RNF157: variants seen among roughly 807,000 people sequenced by gnomAD.
The protein encoded by RNF157 is E3 ubiquitin ligase RNF157.
A neutral mutation model predicts 88.3 loss-of-function variants in RNF157; 55 were observed. That is an observed-to-expected ratio of 0.62 (90% CI 0.50 to 0.78). The LOEUF (loss-of-function observed/expected upper bound fraction) is 0.78, where lower values mean the gene tolerates loss of function less well. Among genes scored for constraint, RNF157 ranks in the 30% least tolerant of loss-of-function variants. RNF157 has a pLI of 0.00. For missense variants in RNF157, 788 were observed against 860.8 expected, an observed-to-expected ratio of 0.92 and a Z score of 1.06; for synonymous variants, 334 against 341.2, an observed-to-expected ratio of 0.98 and a Z score of 0.23.
At chr17:76,151,351 T>C (rs1228282744) in intron 18 of RNF157, among the ~76,000 whole-genome samples, 1 of 152,216 alleles carries the variant, frequency 6.6e-6, no homozygotes, top group African/African-American at 2.4e-5. Context: ...GGCCAGAGTG[T>C]GCTTGGACTG....
In RNF157 at chr17:76,169,716, A is replaced by T. The variant is rs528006439; in HGVS notation, c.297-1919T>A. Among the ~76,000 whole-genome samples the T allele has an allele frequency of 1.2e-4, 18 of 150,758 alleles. No individual in the cohort carries two copies. The South Asian group carries it at 3.6e-3, about 30-fold the overall frequency. On this transcript the variant is annotated intron_variant, in intron 3 of 18. Coordinates refer to ENST00000269391, the MANE Select transcript of RNF157 (RefSeq NM_052916.3). ...CGTCTCAGCCTCCCAAGTAGCTGGG[A>T]TTATAGGCGTGTGCCACCAGGCCCA...
Position 76,146,693 on chromosome 17 carries a change from G to A in RNF157, c.1922-1340C>T, listed in dbSNP as rs1031220549. On this transcript the variant is annotated intron_variant, in intron 18 of 18. Transcript: ENST00000269391. The surrounding 1 kb of genome is among the most constrained non-coding windows in gnomAD (Gnocchi z 4.2). ...ACGCACACGTCACATGGCAGAAACCGCTAGGTCCTGGAGCTCCTCCATGGG... is the reference window on the plus strand; with the variant it reads ...ACGCACACGTCACATGGCAGAAACCACTAGGTCCTGGAGCTCCTCCATGGG... 5.1e-5 allele frequency: 50 copies of A among 985,366 alleles called. No homozygotes were observed. The highest frequency in any genetic ancestry group is 1.1e-4 in the East Asian group (1 of 8,828). The allele number at this position is 985,366 out of a possible 1,614,324, so 61.0% of individuals were successfully genotyped here.
chr17:76,185,596 A>C (rs1323074685), intron 2 of RNF157, among the ~76,000 whole-genome samples: 3 of 151,324 alleles, frequency 2.0e-5, no homozygotes, highest in Admixed American at 6.6e-5. Context: ...CAGCCTCCCG[A>C]GTAGCTGGGA....
chr17:76,186,480 C>T (rs970203487), intron 2 of RNF157, among the ~76,000 whole-genome samples: 4 of 152,016 alleles, frequency 2.6e-5, no homozygotes, highest in Non-Finnish European at 4.4e-5. Flanking sequence ...GCACTCCAGC[C>T]TGAGCAACAA....
At chr17:76,215,277 A>T (rs912892282) in intron 1 of RNF157, among the ~76,000 whole-genome samples, 1 of 152,042 alleles carries the variant, frequency 6.6e-6, no homozygotes, top group African/African-American at 2.4e-5. Context: ...GCTTAGCAAG[A>T]CCTTGTCTCT....
At position 76,240,262 on chromosome 17, in the gene RNF157, G is replaced by A. The variant is rs866339672; in HGVS notation, c.-22C>T. 29 of 1,151,084 alleles carry A rather than the reference G, an allele frequency of 2.5e-5. No homozygotes were observed. In the Middle Eastern group the frequency reaches 5.9e-3, roughly 235 times the overall value. 71.3% of individuals were successfully genotyped at this position (1,151,084 alleles called of 1,614,324 possible). ...CCATGGCCGCTGCGGCTGCAGCCCC[G>A]GCCCGGCCCCGGTGCCCGCGCCGCC... On this transcript the variant is annotated 5_prime_UTR_variant, in exon 1 of 19. Transcript: ENST00000269391. The surrounding 1 kb of genome is among the most constrained non-coding windows in gnomAD (Gnocchi z 4.4).
chr17:76,227,785 G>C (rs986585093), intron 1 of RNF157, among the ~76,000 whole-genome samples: 2 of 152,090 alleles, frequency 1.3e-5, no homozygotes, highest in Non-Finnish European at 2.9e-5. Context: ...GCTCAGGCAG[G>C]AGAATCGCTT....
At position 76,155,711 on chromosome 17, in the gene RNF157, G is replaced by A; in HGVS notation, c.1549C>T (p.Gln517Ter). 6.3e-7 allele frequency: 1 copy of A among 1,590,284 alleles called. No homozygotes were observed. Among genetic ancestry groups the A allele is most frequent in the Non-Finnish European group, 8.6e-7 (1 of 1,168,444 alleles). ...GAGGATGCCATGGACATGACAGACT[G>A]GGCCAAGCTGCTGCTGGCAGGGCCT... ...PEGPASSSLA[Q>*]SVMSMASSQI... The change falls in exon 15 of 19, where the codon CAG (glutamine) becomes TAG (stop). Residue 517 changes from glutamine (Q) to a stop codon, truncating the protein, a stop_gained. Coordinates refer to ENST00000269391, the MANE Select transcript of RNF157 (RefSeq NM_052916.3). LOFTEE classifies it high-confidence loss of function.
chr17:76,192,216 A>G (rs898678861), intron 2 of RNF157, among the ~76,000 whole-genome samples: 4 of 152,200 alleles, frequency 2.6e-5, no homozygotes, highest in African/African-American at 4.8e-5. Flanking sequence ...AGTTCTTTGT[A>G]CTCTGGTTTG....
chr17:76,183,086 C>T (rs551776121), intron 2 of RNF157, among the ~76,000 whole-genome samples: 1 of 151,650 alleles, frequency 6.6e-6, no homozygotes, highest in East Asian at 2.0e-4. Flanking sequence ...AGGCGTCTGC[C>T]ACCATGCCTG....
chr17:76,186,367 C>T (rs369273266), intron 2 of RNF157, among the ~76,000 whole-genome samples: 3 of 151,164 alleles, frequency 2.0e-5, no homozygotes, highest in Admixed American at 1.3e-4. Flanking sequence ...ATTAGCTGGG[C>T]GTGGTGGCGG....
chr17:76,225,910 C>T (rs1488307426), intron 1 of RNF157: 2 of 1,613,400 alleles, frequency 1.2e-6, no homozygotes, highest in Non-Finnish European at 1.7e-6. Flanking sequence ...GCTCCGCCCT[C>T]TTCTTCTGGC....
intron 1 of RNF157, among the ~76,000 whole-genome samples, 154 bp downstream of exon 1, chr17:76,239,999 C>T (rs879274089): frequency 6.6e-6 from 1 of 152,026 alleles, no homozygotes; most frequent in Admixed American, 6.5e-5. Flanking sequence ...AGACCTCGGC[C>T]TTCTCGAAGA....
chr17:76,200,741 T>C (rs2069561352), intron 2 of RNF157, among the ~76,000 whole-genome samples: 2 of 152,204 alleles, frequency 1.3e-5, no homozygotes, highest in Admixed American at 1.3e-4. Context: ...TTTAAAGCCC[T>C]AAACCATTTT....
At chr17:76,194,793 A>G (rs534625513) in intron 2 of RNF157, among the ~76,000 whole-genome samples, 1 of 152,196 alleles carries the variant, frequency 6.6e-6, no homozygotes, top group Non-Finnish European at 1.5e-5. Flanking sequence ...AGGTGGGCAG[A>G]TCACGAGGTC....
chr17:76,219,737 T>A (rs1011780814), intron 1 of RNF157, among the ~76,000 whole-genome samples: 2 of 152,008 alleles, frequency 1.3e-5, no homozygotes, highest in African/African-American at 4.8e-5. Context: ...GAGAAACTAT[T>A]CCCAAGAACT....
chr17:76,184,435 T>C (rs1422996076), intron 2 of RNF157, among the ~76,000 whole-genome samples: 1 of 152,162 alleles, frequency 6.6e-6, no homozygotes, highest in Non-Finnish European at 1.5e-5. Flanking sequence ...ATACATAACG[T>C]GTCCAAGGCT....
At chr17:76,231,383 T>C (rs545923736) in intron 1 of RNF157, among the ~76,000 whole-genome samples, 3 of 152,342 alleles carry the variant, frequency 2.0e-5, no homozygotes, top group Admixed American at 6.5e-5. Context: ...TTTATGTGAT[T>C]TGCAAATATT....
intron 2 of RNF157, among the ~76,000 whole-genome samples, chr17:76,182,855 G>A (rs1204989435): frequency 8.8e-6 from 1 of 114,090 alleles, no homozygotes; most frequent in Non-Finnish European, 1.8e-5. Flanking sequence ...GGATATATAG[G>A]ATATATATAT....
Sources: gnomAD v4.1 joint callset for allele counts (sites outside exome capture counted in the v4.1 genomes callset) on GRCh38, gnomAD v4.1.1 for gene constraint, Gnocchi (gnomAD v3.1) non-coding constraint, MANE v1.5 for transcripts, NCBI Gene and HGNC (gene_info 2026-07-23, HGNC 2026-07-21) for gene names.